Variants in C1orf185 observed in about 807,000 individuals in gnomAD.
C1orf185 encodes chromosome 1 open reading frame 185, also known as uncharacterized protein C1orf185.
A neutral mutation model predicts 16.1 loss-of-function variants in C1orf185; 13 were observed. The observed-to-expected ratio is 0.81, with a 90% CI of 0.53 to 1.28. The LOEUF is 1.28. Among genes scored for constraint, C1orf185 ranks in the 50% most tolerant of loss-of-function variants. The pLI, the probability that C1orf185 is intolerant of heterozygous loss-of-function variation, is 0.00. For synonymous variants in C1orf185, 80 were observed against 76.9 expected (o/e 1.04, Z -0.21); for missense variants, 220 against 225.2 (o/e 0.98, Z 0.15).
intron 2 of C1orf185, among the ~76,000 whole-genome samples, chr1:51,113,583 G>A: frequency 6.6e-6 from 1 of 152,060 alleles, no homozygotes; most frequent in Non-Finnish European, 1.5e-5. Context: ...TGCTCGGGAG[G>A]CTAAGACAGG....
intron 3 of C1orf185, among the ~76,000 whole-genome samples, chr1:51,136,814 C>T (rs761233489): frequency 6.6e-5 from 10 of 151,968 alleles, no homozygotes; most frequent in Non-Finnish European, 1.5e-4. Context: ...CCTGGAAGAC[C>T]ACCTAGGCAA....
chr1:51,124,466 A>C (rs1309881973), intron 3 of C1orf185, among the ~76,000 whole-genome samples: 1 of 152,216 alleles, frequency 6.6e-6, no homozygotes, highest in African/African-American at 2.4e-5. Flanking sequence ...GCCAGGAAAG[A>C]ATTCAAGGGC....
chr1:51,116,127 T>C (rs1398583243), intron 2 of C1orf185, among the ~76,000 whole-genome samples: 1 of 152,090 alleles, frequency 6.6e-6, no homozygotes, highest in Non-Finnish European at 1.5e-5. Context: ...CTTCATATAT[T>C]GCTCATATCT....
intron 1 of C1orf185, among the ~76,000 whole-genome samples, chr1:51,107,016 C>T (rs1646078027): frequency 6.6e-6 from 1 of 152,124 alleles, no homozygotes; most frequent in Non-Finnish European, 1.5e-5. Context: ...CTCAGCCTCC[C>T]AAAATGCTGG....
chr1:51,111,855 G>T lies in C1orf185; in HGVS notation c.17-609G>T, dbSNP rs553036898. Among the ~76,000 whole-genome samples the T allele has an allele frequency of 1.4e-3, 217 of 152,142 alleles. 1 individual carries two copies. The highest frequency in any genetic ancestry group is 1.5e-3 in the Non-Finnish European group (104 of 67,998). On this transcript the variant is annotated intron_variant, in intron 1 of 4. Coordinates refer to ENST00000371759, the MANE Select transcript of C1orf185 (RefSeq NM_001136508.2). ...TGTTTTTTAACTTTTTGTAGAGATG[G>T]TATTTCACTCTATGGCTGGGCTGGT... is the stretch of plus-strand genomic sequence containing the variant.
chr1:51,147,685 G>T lies in C1orf185; in HGVS notation c.514G>T (p.Glu172Ter), dbSNP rs894586228. 1.9e-6 allele frequency: 3 copies of T among 1,551,240 alleles called. No individual in the cohort carries two copies. The Admixed American group carries it at 5.9e-5, about 30-fold the overall frequency. ...KRNSPMPSLG[E>*]PLMEKVFSYL... is the part of the protein sequence containing the mutation. Reference sequence around the variant, plus strand: ...GAACTCTCCAATGCCTTCTCTCGGGGAACCTCTAATGGAAAAAGTATTTTC... The same window carrying T: ...GAACTCTCCAATGCCTTCTCTCGGGTAACCTCTAATGGAAAAAGTATTTTC... Residue 172 changes from glutamate to a stop codon, truncating the protein, a stop_gained, in exon 5 of 5, where the codon GAA (glutamate) becomes TAA (stop). Transcript: ENST00000371759. LOFTEE classifies it high-confidence loss of function.
At chr1:51,116,080 A>G (rs1646155426) in intron 2 of C1orf185, among the ~76,000 whole-genome samples, 1 of 152,160 alleles carries the variant, frequency 6.6e-6, no homozygotes, top group Non-Finnish European at 1.5e-5. Context: ...CCCCACTCCC[A>G]CTAAACTCAA....
chr1:51,127,694 T>C (rs1387410472), intron 3 of C1orf185, among the ~76,000 whole-genome samples: 1 of 152,118 alleles, frequency 6.6e-6, no homozygotes, highest in Non-Finnish European at 1.5e-5. Context: ...GTTTTGGGGC[T>C]CACCCATGTT....
At chr1:51,124,981 T>C (rs866779065) in intron 3 of C1orf185, among the ~76,000 whole-genome samples, 45 of 152,190 alleles carry the variant, frequency 3.0e-4, no homozygotes, top group African/African-American at 1.1e-3. Flanking sequence ...CAGAGGCCCA[T>C]CTTCTGTAAC....
chr1:51,104,533 A>G (rs1229200279), intron 1 of C1orf185, among the ~76,000 whole-genome samples: 2 of 152,214 alleles, frequency 1.3e-5, no homozygotes, highest in East Asian at 3.8e-4. Context: ...AGAGGGAGAA[A>G]AATCAGTAGT....
intron 3 of C1orf185, among the ~76,000 whole-genome samples, chr1:51,132,485 A>C (rs1001109442): frequency 1.3e-5 from 2 of 152,246 alleles, no homozygotes; most frequent in African/African-American, 4.8e-5. Flanking sequence ...AGCAGAGGAA[A>C]GAAACTCAGA....
At chr1:51,109,187 T>C (rs1055190736) in intron 1 of C1orf185, among the ~76,000 whole-genome samples, 3 of 152,200 alleles carry the variant, frequency 2.0e-5, no homozygotes, top group Admixed American at 6.5e-5. Context: ...GCTGAACATT[T>C]TTTCATATAC....
chr1:51,114,162 G>T (rs930740759), intron 2 of C1orf185, among the ~76,000 whole-genome samples: 1 of 152,150 alleles, frequency 6.6e-6, no homozygotes, highest in Non-Finnish European at 1.5e-5. Context: ...CAGAAAGAAG[G>T]CCAATGTGAA....
intron 1 of C1orf185, among the ~76,000 whole-genome samples, chr1:51,104,028 C>A (rs1646052466): frequency 1.3e-5 from 2 of 152,132 alleles, no homozygotes; most frequent in African/African-American, 4.8e-5. Flanking sequence ...TCAATATGGT[C>A]CACTTTACAT....
At chr1:51,112,714 C>T (rs960017778) in intron 2 of C1orf185, 145 bp downstream of exon 2, 4 of 638,616 alleles carry the variant, frequency 6.3e-6, no homozygotes, top group South Asian at 3.7e-5. Flanking sequence ...TGGTTGGGGA[C>T]GGAAGGCTTT....
At chr1:51,141,203 G>A (rs1445380301) in intron 3 of C1orf185, among the ~76,000 whole-genome samples, 1 of 152,196 alleles carries the variant, frequency 6.6e-6, no homozygotes, top group African/African-American at 2.4e-5. Context: ...ATTAAGAAGA[G>A]ATAAGGCCAG....
At chr1:51,102,887 T>C (rs1342244013) in intron 1 of C1orf185, among the ~76,000 whole-genome samples, 4 of 152,194 alleles carry the variant, frequency 2.6e-5, no homozygotes, top group Non-Finnish European at 4.4e-5. Context: ...TGGCTCCAGC[T>C]GTGTTCCTAT....
rs1646306201 is a variant in C1orf185, at chr1:51,134,207, C to T, written c.259-11517C>T. 5.3e-5 allele frequency among the ~76,000 whole-genome samples: 8 copies of T among 152,134 alleles called. No individual in the cohort carries two copies. The South Asian group carries it at 1.7e-3, about 31-fold the overall frequency. On this transcript the variant is annotated intron_variant, in intron 3 of 4. Coordinates refer to ENST00000371759, the MANE Select transcript of C1orf185 (RefSeq NM_001136508.2). ...AAATTCACTCAAAACCATATAATTA[C>T]ATGGAAATTAAATATACTGCTCCTG...
chr1:51,148,715 C>T (rs1332809259), downstream of C1orf185, among the ~76,000 whole-genome samples: 1 of 151,994 alleles, frequency 6.6e-6, no homozygotes, highest in Non-Finnish European at 1.5e-5. Flanking sequence ...TTGCTTGAGC[C>T]CAGGAGTTTG....
Sources: gnomAD v4.1 joint callset for allele counts (sites outside exome capture counted in the v4.1 genomes callset) on GRCh38, gnomAD v4.1.1 for gene constraint, MANE v1.5 for transcripts, NCBI Gene and HGNC (gene_info 2026-07-23, HGNC 2026-07-21) for gene names.